PTPRM: variants seen among roughly 807,000 people sequenced by gnomAD.
The protein encoded by PTPRM is receptor-type tyrosine-protein phosphatase mu.
In PTPRM, 47 loss-of-function variants were observed where a neutral mutation model predicts 186.7. The observed-to-expected ratio is 0.25, with a 90% CI of 0.20 to 0.32. The LOEUF is 0.32. Among genes scored for constraint, PTPRM ranks in the 10% least tolerant of loss-of-function variants. The pLI, the probability that PTPRM is intolerant of heterozygous loss-of-function variation, is 1.00. For synonymous variants in PTPRM, 668 were observed against 674.9 expected (o/e 0.99, Z 0.16); for missense variants, 1,494 against 1,865.0 (o/e 0.80, Z 3.66).
Position 8,296,371 on chromosome 18 carries a change from T to C in PTPRM, c.2758T>C (p.Phe920Leu). The C allele has an allele frequency of 6.2e-7, 1 of 1,600,630 alleles. No individual in the cohort carries two copies. ...CTCAGTCTCACTTTCCTTCTAGAGC[T>C]TCTTTGAAGGGCAGTCTGCACCATG... is the stretch of plus-strand genomic sequence containing the variant. ...GYGFKEEYESFFEGQSAPWDS... is the reference protein window; with the variant it reads ...GYGFKEEYESLFEGQSAPWDS... Residue 920 changes from phenylalanine to leucine, a missense_variant, in exon 20 of 33, where the codon TTC becomes CTC. By Grantham distance (22) the Phe-to-Leu change is conservative (BLOSUM62 0). Around this residue, in one of 3 missense-constraint regions of PTPRM, gnomAD observed 1,107 missense variants for 1,350.2 expected, o/e 0.82. Coordinates refer to ENST00000580170, the MANE Select transcript of PTPRM (RefSeq NM_001105244.2).
chr18:7,878,274 T>C (rs73941022), intron 2 of PTPRM, among the ~76,000 whole-genome samples: 3,793 of 152,338 alleles, frequency 0.025, 145 homozygotes, highest in African/African-American at 0.086. Flanking sequence ...TTCCAGACTT[T>C]TGATAATTTA....
intron 2 of PTPRM, among the ~76,000 whole-genome samples, chr18:7,780,408 G>A (rs1054399201): frequency 1.3e-5 from 2 of 152,156 alleles, no homozygotes; most frequent in African/African-American, 4.8e-5. Flanking sequence ...TGCATCTGGG[G>A]AAGAGGCTAG....
intron 31 of PTPRM, 139 bp from the exon 32 acceptor site, chr18:8,394,337 C>A: frequency 2.2e-6 from 2 of 903,468 alleles, no homozygotes; most frequent in Non-Finnish European, 3.1e-6. Flanking sequence ...AAAGAATCTG[C>A]CCAGGTAAGA....
chr18:7,576,090 T>A (rs2036680666), intron 1 of PTPRM, among the ~76,000 whole-genome samples: 1 of 152,124 alleles, frequency 6.6e-6, no homozygotes, highest in African/African-American at 2.4e-5. Flanking sequence ...CAGAGACTTG[T>A]CAAAACTGAT....
chr18:8,164,822 C>G (rs2093294342), intron 14 of PTPRM, among the ~76,000 whole-genome samples: 1 of 152,116 alleles, frequency 6.6e-6, no homozygotes, highest in Middle Eastern at 3.2e-3. Flanking sequence ...GAATTATACA[C>G]TTAAAAATAG....
intron 17 of PTPRM, among the ~76,000 whole-genome samples, chr18:8,250,128 T>A (rs2094514074): frequency 6.6e-6 from 1 of 152,166 alleles, no homozygotes; most frequent in Admixed American, 6.5e-5. Flanking sequence ...TTAAATTCTC[T>A]GGCACCTTCA....
At chr18:7,914,823 T>C (rs1204803907) in intron 4 of PTPRM, among the ~76,000 whole-genome samples, 3 of 152,150 alleles carry the variant, frequency 2.0e-5, no homozygotes, top group Admixed American at 2.0e-4. Context: ...TGGCAGCAAT[T>C]TGCTTCCTTG....
At chr18:7,975,441 G>A (rs1599812729) in intron 7 of PTPRM, among the ~76,000 whole-genome samples, 1 of 152,290 alleles carries the variant, frequency 6.6e-6, no homozygotes, top group East Asian at 1.9e-4. Flanking sequence ...GAGCTATTAA[G>A]CCATGAAGAG....
rs893437103 is a variant in PTPRM at position 7,684,424 on chromosome 18, G to A, written c.74-89725G>A. 3.3e-5 allele frequency among the ~76,000 whole-genome samples: 5 copies of A among 152,184 alleles called. No individual in the cohort carries two copies. In the East Asian group the frequency reaches 9.7e-4, roughly 29 times the overall value. ...TGTACCATATGTTATTGTTGATTAT[G>A]GTACAATATAGTACAGCAGATCTCT... is the stretch of plus-strand genomic sequence containing the variant. On this transcript the variant is annotated intron_variant, in intron 1 of 32. Coordinates refer to ENST00000580170, the MANE Select transcript of PTPRM (RefSeq NM_001105244.2).
intron 7 of PTPRM, among the ~76,000 whole-genome samples, chr18:7,980,101 A>G (rs1335142553): frequency 6.6e-6 from 1 of 151,766 alleles, no homozygotes; most frequent in African/African-American, 2.4e-5. Flanking sequence ...GCAGCCCCAC[A>G]AAATATTTTT....
At chr18:8,034,699 T>C (rs1335868514) in intron 7 of PTPRM, among the ~76,000 whole-genome samples, 1 of 152,176 alleles carries the variant, frequency 6.6e-6, no homozygotes, top group African/African-American at 2.4e-5. Flanking sequence ...CTCAAGGCTC[T>C]CCCCTAGGGA....
chr18:8,200,519 T>A (rs2093840532), intron 14 of PTPRM, among the ~76,000 whole-genome samples: 1 of 152,210 alleles, frequency 6.6e-6, no homozygotes, highest in African/African-American at 2.4e-5. Context: ...TTCTTGAATG[T>A]TAGAGGGAGG....
At chr18:8,392,953 A>G (rs1341329615) in intron 31 of PTPRM, among the ~76,000 whole-genome samples, 1 of 152,236 alleles carries the variant, frequency 6.6e-6, no homozygotes, top group East Asian at 1.9e-4. Context: ...TTCTTAGTGT[A>G]GAATGTTGAA....
intron 7 of PTPRM, among the ~76,000 whole-genome samples, chr18:7,996,958 C>T (rs1204539404): frequency 1.3e-5 from 2 of 151,896 alleles, no homozygotes; most frequent in African/African-American, 4.8e-5. Flanking sequence ...CTTAAAATAC[C>T]TGTATTACCT....
intron 1 of PTPRM, among the ~76,000 whole-genome samples, chr18:7,626,711 G>A (rs1283504622): frequency 6.6e-6 from 1 of 152,076 alleles, no homozygotes; most frequent in African/African-American, 2.4e-5. Context: ...TTTATTTTTA[G>A]AGACAGGATC....
chr18:7,636,803 C>T (rs1184714675), intron 1 of PTPRM, among the ~76,000 whole-genome samples: 1 of 152,098 alleles, frequency 6.6e-6, no homozygotes, highest in Non-Finnish European at 1.5e-5. Context: ...AGAGTGAGGA[C>T]ATTGAAGAGA....
At chr18:8,338,936 A>C (rs2095456868) in intron 22 of PTPRM, among the ~76,000 whole-genome samples, 1 of 152,150 alleles carries the variant, frequency 6.6e-6, no homozygotes, top group Non-Finnish European at 1.5e-5. Context: ...CAAGGTTTGA[A>C]AATGATCATT....
intron 1 of PTPRM, among the ~76,000 whole-genome samples, chr18:7,647,423 T>A (rs2144239358): frequency 6.6e-6 from 1 of 152,280 alleles, no homozygotes; most frequent in East Asian, 1.9e-4. Context: ...AGTTATTAGG[T>A]AAGTTATTGT....
intron 14 of PTPRM, among the ~76,000 whole-genome samples, chr18:8,207,979 G>C (rs148908539): frequency 6.6e-6 from 1 of 152,166 alleles, no homozygotes; most frequent in Non-Finnish European, 1.5e-5. Context: ...CAGAAATTAC[G>C]TGCCATATTT....
Sources: allele counts gnomAD v4.1 joint callset (sites outside exome capture counted in the v4.1 genomes callset), GRCh38; gene constraint gnomAD v4.1.1; regional missense constraint gnomAD v4.1.1; transcripts MANE v1.5; gene names NCBI Gene and HGNC (gene_info 2026-07-23, HGNC 2026-07-21).